The following SLC39A11 variants were observed in gnomAD, a reference collection of about 807,000 sequenced individuals.
SLC39A11 encodes the protein zinc transporter ZIP11.
In SLC39A11, 33 loss-of-function variants were observed where a neutral mutation model predicts 36.1. The observed-to-expected ratio is 0.91, with a 90% CI of 0.69 to 1.22. The LOEUF (loss-of-function observed/expected upper bound fraction) is 1.22, where lower values mean the gene tolerates loss of function less well. Among genes scored for constraint, SLC39A11 ranks in the 50% most tolerant of loss-of-function variants. SLC39A11 has a pLI of 0.00. For missense variants in SLC39A11, 432 were observed against 430.3 expected (o/e 1.00, Z -0.03); for synonymous variants, 166 against 170.3 (o/e 0.97, Z 0.20).
intron 7 of SLC39A11, among the ~76,000 whole-genome samples, chr17:72,724,680 A>G (rs950302988): frequency 1.3e-5 from 2 of 152,102 alleles, no homozygotes; most frequent in African/African-American, 2.4e-5. Flanking sequence ...CACTTATAAC[A>G]TTAGAGACTT....
At chr17:73,041,930 T>C (rs1251354807) in intron 3 of SLC39A11, among the ~76,000 whole-genome samples, 1 of 152,210 alleles carries the variant, frequency 6.6e-6, no homozygotes, top group African/African-American at 2.4e-5. Flanking sequence ...TCTCAAAATA[T>C]CATGCAAAAT....
At chr17:72,685,446 T>A (rs1350524826) in intron 7 of SLC39A11, among the ~76,000 whole-genome samples, 1 of 152,282 alleles carries the variant, frequency 6.6e-6, no homozygotes, top group African/African-American at 2.4e-5. Flanking sequence ...ATGGGCAGGA[T>A]CTTTGTGTGT....
At chr17:72,983,838 G>A (rs2088511489) in intron 4 of SLC39A11, among the ~76,000 whole-genome samples, 3 of 152,192 alleles carry the variant, frequency 2.0e-5, no homozygotes, top group South Asian at 2.1e-4. Context: ...CTGAGAGCTG[G>A]TGAGTTACTA....
intron 3 of SLC39A11, among the ~76,000 whole-genome samples, chr17:73,041,021 A>AAAAAAAG: frequency 6.6e-6 from 1 of 151,864 alleles, no homozygotes; most frequent in Non-Finnish European, 1.5e-5. Flanking sequence ...AAAAAAAAAA[A>AAAAAAAG]CAGTATTAAC....
chr17:72,742,337 G>A (rs1465385769), intron 6 of SLC39A11, among the ~76,000 whole-genome samples: 4 of 152,136 alleles, frequency 2.6e-5, no homozygotes, highest in South Asian at 2.1e-4. Context: ...TTTGCAGCCC[G>A]AGTCGTGGGA....
intron 3 of SLC39A11, among the ~76,000 whole-genome samples, chr17:73,078,154 C>A (rs954439628): frequency 1.3e-5 from 2 of 150,828 alleles, no homozygotes; most frequent in African/African-American, 2.4e-5. Context: ...AGGAGAATGG[C>A]ATGAACCCGG....
intron 4 of SLC39A11, among the ~76,000 whole-genome samples, chr17:72,954,883 C>T (rs1158093438): frequency 2.6e-5 from 4 of 152,196 alleles, no homozygotes; most frequent in Admixed American, 2.6e-4. Context: ...TACAGTCCTG[C>T]CTCGGGTGTC....
intron 7 of SLC39A11, among the ~76,000 whole-genome samples, chr17:72,666,749 T>A (rs9907020): frequency 0.71 from 107,652 of 152,040 alleles, 38,403 homozygotes; most frequent in African/African-American, 0.78. Context: ...TCGTGAGAAA[T>A]CCTTGGCTAT....
At chr17:72,901,467 A>G (rs969946327) in intron 5 of SLC39A11, among the ~76,000 whole-genome samples, 4 of 152,210 alleles carry the variant, frequency 2.6e-5, no homozygotes, top group Non-Finnish European at 4.4e-5. Flanking sequence ...GTACATAAGA[A>G]GTAGAGATTT....
intron 5 of SLC39A11, among the ~76,000 whole-genome samples, chr17:72,902,800 C>A (rs2082458755): frequency 6.6e-6 from 1 of 151,948 alleles, no homozygotes; most frequent in Non-Finnish European, 1.5e-5. Flanking sequence ...CCAGTGGGTA[C>A]CCCTCTGCCC....
At chr17:73,045,411 A>C (rs2059251172) in intron 3 of SLC39A11, among the ~76,000 whole-genome samples, 1 of 147,716 alleles carries the variant, frequency 6.8e-6, no homozygotes, top group Non-Finnish European at 1.5e-5. Flanking sequence ...AAAAAAAAAA[A>C]AGCCTCCATG....
chr17:72,684,671 T>C (rs2071664172), intron 7 of SLC39A11, among the ~76,000 whole-genome samples: 2 of 152,220 alleles, frequency 1.3e-5, no homozygotes, highest in African/African-American at 2.4e-5. Context: ...ATTATGACTT[T>C]GGTGAGTCTC....
At chr17:72,766,933 C>T (rs1161103421) in intron 6 of SLC39A11, among the ~76,000 whole-genome samples, 1 of 152,140 alleles carries the variant, frequency 6.6e-6, no homozygotes, top group East Asian at 1.9e-4. Flanking sequence ...GATAACCTCC[C>T]CTCCAGCTGG....
chr17:73,048,666 C>T (rs1394571039), intron 3 of SLC39A11, among the ~76,000 whole-genome samples: 1 of 152,138 alleles, frequency 6.6e-6, no homozygotes, highest in African/African-American at 2.4e-5. Flanking sequence ...ACTATAACAC[C>T]ATCCTACCTC....
At chr17:72,837,268 C>T (rs895531757) in intron 6 of SLC39A11, among the ~76,000 whole-genome samples, 1 of 149,712 alleles carries the variant, frequency 6.7e-6, no homozygotes, top group Admixed American at 6.7e-5. Context: ...GAAAGCAGGG[C>T]TCAAAAAACA....
chr17:72,817,781 G>A (rs968332809), intron 6 of SLC39A11: 1 of 152,036 alleles, frequency 6.6e-6, no homozygotes, highest in Non-Finnish European at 1.5e-5. Context: ...TGTCCCCATG[G>A]TGGTCTGTAT....
At chr17:72,734,752 T>G (rs1334025801) in intron 7 of SLC39A11, among the ~76,000 whole-genome samples, 1 of 152,058 alleles carries the variant, frequency 6.6e-6, no homozygotes, top group Non-Finnish European at 1.5e-5. Flanking sequence ...GGCCTGTGAG[T>G]TCCATGCCTG....
intron 5 of SLC39A11, among the ~76,000 whole-genome samples, chr17:72,930,687 G>A (rs1472921169): frequency 6.6e-6 from 1 of 152,214 alleles, no homozygotes; most frequent in Admixed American, 6.5e-5. Flanking sequence ...TGGCCTCAAG[G>A]AGAGGCTTGT....
intron 7 of SLC39A11, among the ~76,000 whole-genome samples, chr17:72,664,723 G>C (rs2070649856): frequency 6.6e-6 from 1 of 152,170 alleles, no homozygotes; most frequent in South Asian, 2.1e-4. Context: ...TCAGGGCCAG[G>C]GCCCACATCC....
Sources: gnomAD v4.1 joint callset for allele counts (sites outside exome capture counted in the v4.1 genomes callset) on GRCh38, gnomAD v4.1.1 for gene constraint, MANE v1.5 for transcripts, NCBI Gene and HGNC (gene_info 2026-07-23, HGNC 2026-07-21) for gene names.